The following PCDHGB2 variants were observed in gnomAD, a reference collection of about 807,000 sequenced individuals.
The protein encoded by PCDHGB2 is protocadherin gamma subfamily B, 2, also known as protocadherin gamma-B2.
A neutral mutation model predicts 59.3 loss-of-function variants in PCDHGB2; 55 were observed. The ratio of observed to expected loss-of-function variants is 0.93; its 90% CI spans 0.75 to 1.16. The LOEUF (loss-of-function observed/expected upper bound fraction) is 1.16, where lower values mean the gene tolerates loss of function less well. Among genes scored for constraint, PCDHGB2 ranks in the 50% most tolerant of loss-of-function variants. PCDHGB2 has a pLI of 0.00. For missense variants in PCDHGB2, 1,228 were observed against 1,198.5 expected, an observed-to-expected ratio of 1.02 and a Z score of -0.36; for synonymous variants, 516 against 512.0, an observed-to-expected ratio of 1.01 and a Z score of -0.11.
chr5:141,395,158 A>G, intron 1 of PCDHGB2: 2 of 1,614,208 alleles, frequency 1.2e-6, no homozygotes, highest in Non-Finnish European at 1.7e-6. Context: ...CTCATCAGTC[A>G]GGAGGGCTGT....
intron 1 of PCDHGB2, chr5:141,385,519 T>C (rs1781250310): frequency 2.9e-6 from 4 of 1,366,410 alleles, no homozygotes; most frequent in Admixed American, 3.4e-5. Flanking sequence ...TGAAAGCCTA[T>C]GGACAAGATT....
intron 1 of PCDHGB2, chr5:141,364,932 A>G (rs1447586286): frequency 6.2e-7 from 1 of 1,613,886 alleles, no homozygotes. Context: ...CAGCCCCTAG[A>G]CCGCGAGAAA....
chr5:141,432,090 A>T lies in PCDHGB2; in HGVS notation c.2422-62717A>T. 1 of 1,614,164 alleles carries T rather than the reference A, an allele frequency of 6.2e-7. No homozygotes were observed. Among genetic ancestry groups the T allele is most frequent in the Non-Finnish European group, 8.5e-7 (1 of 1,180,034 alleles). On this transcript the variant is annotated intron_variant, in intron 1 of 3. Transcript: ENST00000522605. The surrounding 1 kb of genome is among the most constrained non-coding windows in gnomAD (Gnocchi z 6.0). ...ACTCATATCTCGCTGAACGTGGCAG[A>T]CACCAACGACAACCCGCCGGTCTTC... is the stretch of plus-strand genomic sequence containing the variant.
At chr5:141,389,142 G>A (rs72790030) in intron 1 of PCDHGB2, 42,481 of 1,613,950 alleles carry the variant, frequency 0.026, 745 homozygotes, top group East Asian at 0.04. Flanking sequence ...CAATATAACC[G>A]TTACGGCAAC....
intron 1 of PCDHGB2, among the ~76,000 whole-genome samples, chr5:141,442,789 T>C (rs2098343347): frequency 6.6e-6 from 1 of 152,196 alleles, no homozygotes; most frequent in African/African-American, 2.4e-5. Flanking sequence ...ATTTTATAAT[T>C]TTACTTTGAT....
chr5:141,481,733 C>A (rs2099543522), intron 1 of PCDHGB2, among the ~76,000 whole-genome samples: 1 of 152,078 alleles, frequency 6.6e-6, no homozygotes, highest in Admixed American at 6.6e-5. Context: ...GCGGGCGGAT[C>A]ACGAGGTCAG....
chr5:141,423,760 G>GT, intron 1 of PCDHGB2: 1 of 279,664 alleles, frequency 3.6e-6, no homozygotes, highest in Non-Finnish European at 5.3e-6. Flanking sequence ...TGGGGGGGGG[G>GT]TGGGGCGGCA....
At chr5:141,380,405 G>A (rs1258156706) in intron 1 of PCDHGB2, among the ~76,000 whole-genome samples, 2 of 152,114 alleles carry the variant, frequency 1.3e-5, no homozygotes, top group African/African-American at 4.8e-5. Flanking sequence ...TAATCAATTC[G>A]ATGCCCAGGA....
chr5:141,423,184 C>A (rs747938944), intron 1 of PCDHGB2: 1 of 1,613,442 alleles, frequency 6.2e-7, no homozygotes, highest in South Asian at 1.1e-5. Flanking sequence ...CCACGGCCAG[C>A]CCCCTCTCTC....
rs759045688 is a variant in PCDHGB2 at position 141,395,208 on chromosome 5, G to C, written c.2421+32652G>C. 5.6e-6 allele frequency: 9 copies of C among 1,613,352 alleles called. No individual in the cohort carries two copies. In the Admixed American group the frequency reaches 1.5e-4, roughly 27 times the overall value. ...TTTGTTAACATCCGTAGATTTTCAT[G>C]AATATAAGAATGAAGCTGATCATGG... On this transcript the variant is annotated intron_variant, in intron 1 of 3. Coordinates refer to ENST00000522605, the MANE Select transcript of PCDHGB2 (RefSeq NM_018923.3).
At position 141,477,131 on chromosome 5, in the gene PCDHGB2, TTGG is replaced by T; in HGVS notation, c.2422-17672_2422-17670del. 1 of 1,614,130 alleles carries T rather than the reference TTGG, an allele frequency of 6.2e-7. No individual in the cohort carries two copies. The highest frequency in any genetic ancestry group is 8.5e-7 in the Non-Finnish European group (1 of 1,180,014). On this transcript the variant is annotated intron_variant, in intron 1 of 3. Transcript: ENST00000522605. The surrounding 1 kb of genome is among the most constrained non-coding windows in gnomAD (Gnocchi z 4.9). The stretch of plus-strand genomic sequence containing the variant: ...TCCCGAAGGAGCACATTGCAAAGTG[TTGG>T]TGGAGGTTGTGGATGTGAATGACAA...
rs149314216 is a variant in PCDHGB2, at chr5:141,487,041, G to A, written c.2422-7766G>A. 2.1e-3 allele frequency: 3,442 copies of A among 1,614,128 alleles called. 3 individuals carry two copies. Among genetic ancestry groups the A allele is most frequent in the Non-Finnish European group, 2.7e-3 (3,235 of 1,180,026 alleles). ...GATCCCAGCCTGTTTGCAGTCTCTC[G>A]ATATGCTGGGGAGGTGCGGACGGCT... On this transcript the variant is annotated intron_variant, in intron 1 of 3. Transcript: ENST00000522605. The surrounding 1 kb of genome is among the most constrained non-coding windows in gnomAD (Gnocchi z 5.0).
chr5:141,405,118 G>T (rs368800698), intron 1 of PCDHGB2: 1 of 1,613,946 alleles, frequency 6.2e-7, no homozygotes, highest in Non-Finnish European at 8.5e-7. Context: ...GGCACTCCTC[G>T]CATCTGCTGC....
chr5:141,497,406 C>T lies in PCDHGB2; in HGVS notation c.2480+2541C>T, dbSNP rs892691245. 1.2e-4 allele frequency among the ~76,000 whole-genome samples: 19 copies of T among 152,174 alleles called. No individual in the cohort carries two copies. The East Asian group carries it at 1.5e-3, about 12-fold the overall frequency. ...AGCACCTTACCCCTGCCTCAACTCC[C>T]ATTCCATCAAATGAGAGGCTTAGTG... On this transcript the variant is annotated intron_variant, in intron 2 of 3. Transcript: ENST00000522605.
At chr5:141,415,647 A>C in intron 1 of PCDHGB2, 2 of 1,599,602 alleles carry the variant, frequency 1.3e-6, no homozygotes, top group Non-Finnish European at 1.7e-6. Context: ...TTGTTAAAAA[A>C]AAAAAGATTG....
At chr5:141,418,458 TG>T in intron 1 of PCDHGB2, 1 of 1,614,010 alleles carries the variant, frequency 6.2e-7, no homozygotes, top group Non-Finnish European at 8.5e-7. Flanking sequence ...CAGAAGACTC[TG>T]GACCGAGAAA....
intron 3 of PCDHGB2, 62 bp downstream of exon 3, chr5:141,505,543 C>T: frequency 6.2e-7 from 1 of 1,609,636 alleles, no homozygotes; most frequent in Non-Finnish European, 8.5e-7. Flanking sequence ...GTGCATCTCA[C>T]AGCCACCATG....
chr5:141,478,589 T>C, intron 1 of PCDHGB2: 2 of 1,573,336 alleles, frequency 1.3e-6, no homozygotes, highest in Non-Finnish European at 1.7e-6. Context: ...AGTGCTTTTT[T>C]ATTCCTACAT....
At chr5:141,372,346 A>G (rs781226207) in intron 1 of PCDHGB2, 1 of 1,613,714 alleles carries the variant, frequency 6.2e-7, no homozygotes, top group African/African-American at 1.3e-5. Flanking sequence ...GATGGAGGAC[A>G]GCAGCCTCTT....
Sources: gnomAD v4.1 joint callset for allele counts (sites outside exome capture counted in the v4.1 genomes callset) on GRCh38, gnomAD v4.1.1 for gene constraint, Gnocchi (gnomAD v3.1) non-coding constraint, MANE v1.5 for transcripts, NCBI Gene and HGNC (gene_info 2026-07-23, HGNC 2026-07-21) for gene names.